ANKRD10: variants seen among roughly 807,000 people sequenced by gnomAD.
ANKRD10 encodes the protein ankyrin repeat domain-containing protein 10.
Under a neutral mutation model 27.0 loss-of-function variants are expected in ANKRD10, and 14 were observed. The ratio of observed to expected loss-of-function variants is 0.52; its 90% confidence interval spans 0.34 to 0.81. The LOEUF (loss-of-function observed/expected upper bound fraction) is 0.81, where lower values mean the gene tolerates loss of function less well. Among genes scored for constraint, ANKRD10 ranks in the 40% least tolerant of loss-of-function variants. The probability of loss-of-function intolerance (pLI) is 0.01; values close to 1 mark genes in which losing one functional copy is unlikely to be tolerated. For missense variants in ANKRD10, 493 were observed against 544.0 expected (o/e 0.91, Z 0.93); for synonymous variants, 250 against 224.5 (o/e 1.11, Z -1.01).
intron 5 of ANKRD10, chr13:110,883,104 T>A (rs941708145): frequency 6.6e-6 from 1 of 152,254 alleles, no homozygotes; most frequent in African/African-American, 2.4e-5. Context: ...TGAAACACAG[T>A]GTTTACCATT....
Position 110,878,549 on chromosome 13 carries a change from G to A in ANKRD10, c.*1088C>T, listed in dbSNP as rs532868898. Reference sequence around the variant, plus strand: ...AACCCCAGGGACACACTGAGTGTGAGAGTTTTTTATTCAATTTGTGAAGGA... The same window carrying A: ...AACCCCAGGGACACACTGAGTGTGAAAGTTTTTTATTCAATTTGTGAAGGA... On this transcript the variant is annotated 3_prime_UTR_variant, in exon 6 of 6. Transcript: ENST00000267339. The A allele has an allele frequency of 6.6e-6, 1 of 152,350 alleles. No individual in the cohort carries two copies. Among genetic ancestry groups the A allele is most frequent in the South Asian group, 2.1e-4 (1 of 4,826 alleles). The allele number at this position is 152,350 out of a possible 1,614,324, so 9.4% of individuals were successfully genotyped here. A position where few individuals can be genotyped will look rare whatever the true frequency, so the allele number is the denominator to read the frequency against.
chr13:110,908,044 G>C (rs928957224), intron 2 of ANKRD10, among the ~76,000 whole-genome samples: 1 of 152,100 alleles, frequency 6.6e-6, no homozygotes, highest in African/African-American at 2.4e-5. Context: ...GACATCCTGA[G>C]AGAAGGTAGC....
In ANKRD10 at chr13:110,879,580, A is replaced by T. The variant is rs2064771592; in HGVS notation, c.*57T>A. ...TCGTTCAAGTTGCTGCTACATGGGT[A>T]TTCTGAGCTGGCTACCAGGAAGGAC... is the stretch of plus-strand genomic sequence containing the variant. On this transcript the variant is annotated 3_prime_UTR_variant, in exon 6 of 6. Coordinates refer to ENST00000267339, the MANE Select transcript of ANKRD10 (RefSeq NM_017664.4). The T allele has an allele frequency of 7.3e-7, 1 of 1,362,142 alleles. No individual in the cohort carries two copies. Among genetic ancestry groups the T allele is most frequent in the South Asian group, 1.2e-5 (1 of 81,580 alleles). 84.4% of individuals were successfully genotyped at this position (1,362,142 alleles called of 1,614,324 possible).
intron 2 of ANKRD10, 133 bp from the exon 3 acceptor site, chr13:110,906,257 G>A (rs1275810925): frequency 1.4e-6 from 1 of 689,694 alleles, no homozygotes; most frequent in Admixed American, 2.9e-5. Flanking sequence ...AAGATCTGAA[G>A]CAGAACACAA....
intron 3 of ANKRD10, chr13:110,903,521 G>A (rs904464400): frequency 6.5e-6 from 1 of 154,696 alleles, no homozygotes; most frequent in Non-Finnish European, 1.5e-5. Flanking sequence ...GCTGAAATGC[G>A]TTATCTTACA....
chr13:110,910,569 G>C lies in ANKRD10; in HGVS notation c.363+49C>G, dbSNP rs2065667279. 1.9e-6 allele frequency: 3 copies of C among 1,605,836 alleles called. No homozygotes were observed. In the Middle Eastern group the frequency reaches 5.0e-4, roughly 266 times the overall value. Reference sequence around the variant, plus strand: ...AGCAATACCGTGTATAATTATAACTGCAAAAAGAAAAAGCAAAAGCAAACC... The same window carrying C: ...AGCAATACCGTGTATAATTATAACTCCAAAAAGAAAAAGCAAAAGCAAACC... On this transcript the variant is annotated intron_variant, in intron 2 of 5. Transcript: ENST00000267339.
rs780009979 is a variant in ANKRD10 at position 110,910,689 on chromosome 13, T to C, written c.292A>G (p.Ile98Val). ...TGAGGATGTCCCCCAAAGGCTGCAA[T>C]GTGGGCTGGCGTCTGCGCGTACCGT... ...TTRYAQTPAH[I>V]AAFGGHPQCL... Residue 98 changes from isoleucine (I) to valine (V), a missense_variant, in exon 2 of 6, where the codon ATT (isoleucine) becomes GTT (valine). By Grantham distance (29) the Ile-to-Val change is conservative. Coordinates refer to ENST00000267339, the MANE Select transcript of ANKRD10 (RefSeq NM_017664.4). The C allele has an allele frequency of 9.3e-6, 15 of 1,614,028 alleles. No individual in the cohort carries two copies. Among genetic ancestry groups the C allele is most frequent in the African/African-American group, 2.7e-5 (2 of 74,930 alleles).
chr13:110,892,562 AAAT>A, intron 4 of ANKRD10: 1 of 237,240 alleles, frequency 4.2e-6, no homozygotes, highest in South Asian at 1.5e-4. Flanking sequence ...CACTGAGGTC[AAAT>A]CATAGTACAG....
At chr13:110,908,070 G>A (rs1372201061) in intron 2 of ANKRD10, among the ~76,000 whole-genome samples, 1 of 151,064 alleles carries the variant, frequency 6.6e-6, no homozygotes, top group Non-Finnish European at 1.5e-5. Context: ...GAAAAGATAC[G>A]TAAGACTAAA....
At chr13:110,907,821 C>G (rs2065580385) in intron 2 of ANKRD10, among the ~76,000 whole-genome samples, 1 of 151,824 alleles carries the variant, frequency 6.6e-6, no homozygotes, top group African/African-American at 2.4e-5. Flanking sequence ...TAAAAACATT[C>G]CCAGGAAAAC....
chr13:110,900,858 A>G, intron 3 of ANKRD10: 1 of 372,960 alleles, frequency 2.7e-6, no homozygotes, highest in Non-Finnish European at 5.0e-6. Context: ...GCAGAAGCAC[A>G]CTGAGCTTAA....
chr13:110,911,972 G>T (rs1314166066), intron 1 of ANKRD10, among the ~76,000 whole-genome samples: 1 of 152,184 alleles, frequency 6.6e-6, no homozygotes, highest in Non-Finnish European at 1.5e-5. Context: ...CCCTATGGGG[G>T]AAAAAAGCCT....
At chr13:110,914,480 G>A (rs1203065248) in intron 1 of ANKRD10, 2 of 358,604 alleles carry the variant, frequency 5.6e-6, no homozygotes, top group Non-Finnish European at 9.5e-6. Context: ...ATGCGCCCTA[G>A]GCCCCTCCGG....
intron 4 of ANKRD10, among the ~76,000 whole-genome samples, chr13:110,890,611 G>A (rs1258184530): frequency 6.6e-6 from 1 of 152,160 alleles, no homozygotes; most frequent in Non-Finnish European, 1.5e-5. Context: ...GTGCATCTTG[G>A]CTGAAATATT....
intron 4 of ANKRD10, among the ~76,000 whole-genome samples, chr13:110,888,731 G>GA (rs1208851680): frequency 2.0e-5 from 3 of 152,154 alleles, no homozygotes; most frequent in Non-Finnish European, 2.9e-5. Flanking sequence ...TCCACTCTGG[G>GA]AAAGTGTTAA....
chr13:110,914,580 T>C (rs2065830733), intron 1 of ANKRD10, 145 bp downstream of exon 1: 1 of 1,253,434 alleles, frequency 8.0e-7, no homozygotes, highest in East Asian at 3.0e-5. Flanking sequence ...ACAGGCGCCC[T>C]AGGCCCCTCG....
intron 1 of ANKRD10, among the ~76,000 whole-genome samples, chr13:110,914,156 C>A (rs1381133993): frequency 2.6e-5 from 4 of 152,180 alleles, no homozygotes; most frequent in African/African-American, 7.2e-5. Context: ...CTTCCAGTCC[C>A]GCCGGGGCGC....
Position 110,906,106 on chromosome 13 carries a change from G to A in ANKRD10, c.382C>T (p.Pro128Ser), listed in dbSNP as rs752328089. ...CCAGAGCGAGCTGCCTTGTGAATGG[G>A]AGTTTCACCCTCACAATCCTGAAAC... ...INKPDCEGETPIHKAARSGSL... is the reference protein window; with the variant it reads ...INKPDCEGETSIHKAARSGSL... The change falls in exon 3 of 6, where the codon CCC (proline) becomes TCC (serine). Residue 128 changes from proline to serine, a missense_variant. By Grantham distance (74) the Pro-to-Ser change is moderately conservative. Transcript: ENST00000267339. The A allele has an allele frequency of 1.2e-6, 2 of 1,601,230 alleles. No individual in the cohort carries two copies. Among genetic ancestry groups the A allele is most frequent in the Non-Finnish European group, 8.5e-7 (1 of 1,173,292 alleles).
Position 110,883,795 on chromosome 13 carries a change from T to C in ANKRD10, c.692-2A>G. 3.7e-6 allele frequency: 6 copies of C among 1,614,072 alleles called. No individual in the cohort carries two copies. Among genetic ancestry groups the C allele is most frequent in the African/African-American group, 1.3e-5 (1 of 75,046 alleles). On this transcript the variant is annotated splice_acceptor_variant, in intron 4 of 5. Coordinates refer to ENST00000267339, the MANE Select transcript of ANKRD10 (RefSeq NM_017664.4). LOFTEE classifies it high-confidence loss of function. Reference sequence around the variant, plus strand: ...GCACGGCAGAATCCAAGCTTTGAGCTGCACAGAAAACAAAGACTATTTCAG... The same window carrying C: ...GCACGGCAGAATCCAAGCTTTGAGCCGCACAGAAAACAAAGACTATTTCAG...
Sources: gnomAD v4.1 joint callset for allele counts (sites outside exome capture counted in the v4.1 genomes callset) on GRCh38, gnomAD v4.1.1 for gene constraint, MANE v1.5 for transcripts, NCBI Gene and HGNC (gene_info 2026-07-23, HGNC 2026-07-21) for gene names.